ITPR2: variants seen among roughly 807,000 people sequenced by gnomAD.
ITPR2 encodes inositol 1,4,5-trisphosphate-gated calcium channel ITPR2.
Under a neutral mutation model 317.1 loss-of-function variants are expected in ITPR2, and 207 were observed. The observed-to-expected ratio is 0.65, with a 90% CI of 0.58 to 0.73. The LOEUF (loss-of-function observed/expected upper bound fraction) is 0.73. Among genes scored for constraint, ITPR2 ranks in the 30% least tolerant of loss-of-function variants. The pLI is 0.00. For synonymous variants in ITPR2, 1,156 were observed against 1,149.1 expected (o/e 1.01, Z -0.12); for missense variants, 2,613 against 3,284.0 (o/e 0.80, Z 4.99).
At chr12:26,618,905 T>C (rs1443698948) in intron 26 of ITPR2, among the ~76,000 whole-genome samples, 1 of 152,266 alleles carries the variant, frequency 6.6e-6, no homozygotes, top group East Asian at 1.9e-4. Context: ...ATACCTCATA[T>C]ATTTCTTATG....
At chr12:26,667,523 C>T (rs1165025318) in intron 13 of ITPR2, among the ~76,000 whole-genome samples, 2 of 152,172 alleles carry the variant, frequency 1.3e-5, no homozygotes, top group Admixed American at 6.5e-5. Context: ...GCCACAGAAA[C>T]GTAAAACCCG....
At chr12:26,696,172 G>T (rs1948345918) in intron 9 of ITPR2, among the ~76,000 whole-genome samples, 1 of 152,152 alleles carries the variant, frequency 6.6e-6, no homozygotes, top group Non-Finnish European at 1.5e-5. Flanking sequence ...TTGGAGAGTG[G>T]CATTTTGGGG....
chr12:26,625,177 G>A (rs1240122252), intron 23 of ITPR2, among the ~76,000 whole-genome samples: 31 of 151,946 alleles, frequency 2.0e-4, no homozygotes, highest in Admixed American at 2.0e-3. Flanking sequence ...TAGAATAAGA[G>A]TTACCAGAGG....
At chr12:26,666,875 T>C (rs1170460467) in intron 13 of ITPR2, among the ~76,000 whole-genome samples, 1 of 152,202 alleles carries the variant, frequency 6.6e-6, no homozygotes, top group African/African-American at 2.4e-5. Context: ...CATTTTCCAT[T>C]TGTGTTAGTC....
chr12:26,486,446 C>A (rs930336954), intron 40 of ITPR2, 86 bp from the exon 41 acceptor site: 43 of 1,059,368 alleles, frequency 4.1e-5, no homozygotes, highest in Middle Eastern at 2.3e-4. Flanking sequence ...TACCCAAATT[C>A]TCTAACAATT....
intron 1 of ITPR2, among the ~76,000 whole-genome samples, chr12:26,830,969 T>TGTGCCTTGG (rs1303632792): frequency 6.6e-6 from 1 of 152,228 alleles, no homozygotes; most frequent in Admixed American, 6.5e-5. Flanking sequence ...ACAGAGTTTA[T>TGTGCCTTGG]GTAACTTTCC....
chr12:26,398,430 C>G (rs770503500), intron 54 of ITPR2, among the ~76,000 whole-genome samples: 1 of 152,102 alleles, frequency 6.6e-6, no homozygotes, highest in Non-Finnish European at 1.5e-5. Flanking sequence ...CTCAAAATAA[C>G]AAACAAACAA....
chr12:26,640,839 G>A (rs1946967297), intron 21 of ITPR2, among the ~76,000 whole-genome samples: 1 of 152,188 alleles, frequency 6.6e-6, no homozygotes, highest in South Asian at 2.1e-4. Flanking sequence ...AGATATGAAA[G>A]TATATCTGAG....
At chr12:26,341,720 T>C (rs1938119116) in intron 55 of ITPR2, among the ~76,000 whole-genome samples, 1 of 152,210 alleles carries the variant, frequency 6.6e-6, no homozygotes, top group Admixed American at 6.5e-5. Context: ...CTTCAGCATC[T>C]ATTGTTAGGT....
intron 21 of ITPR2, among the ~76,000 whole-genome samples, chr12:26,642,832 T>C (rs1379817291): frequency 6.6e-6 from 1 of 152,176 alleles, no homozygotes; most frequent in African/African-American, 2.4e-5. Flanking sequence ...AAGATAATTG[T>C]GGTGGATGCT....
intron 39 of ITPR2, among the ~76,000 whole-genome samples, chr12:26,489,661 G>C (rs1942753842): frequency 6.6e-6 from 1 of 152,128 alleles, no homozygotes; most frequent in African/African-American, 2.4e-5. Flanking sequence ...GCTATCATTA[G>C]GTTCCATTTG....
chr12:26,555,051 T>C (rs984751099), intron 36 of ITPR2, among the ~76,000 whole-genome samples: 5 of 152,168 alleles, frequency 3.3e-5, no homozygotes, highest in Admixed American at 2.0e-4. Flanking sequence ...TCTGGACAAA[T>C]ACACTCTTCC....
intron 45 of ITPR2, among the ~76,000 whole-genome samples, chr12:26,474,230 G>T (rs1348961431): frequency 2.0e-5 from 3 of 152,178 alleles, no homozygotes; most frequent in African/African-American, 7.2e-5. Context: ...AACGTACAGG[G>T]AAACAGAAGG....
At chr12:26,591,895 T>C (rs1014762111) in intron 32 of ITPR2, among the ~76,000 whole-genome samples, 5 of 151,740 alleles carry the variant, frequency 3.3e-5, no homozygotes, top group Non-Finnish European at 5.9e-5. Context: ...ATCTCACTTC[T>C]GGATATATTC....
intron 8 of ITPR2, among the ~76,000 whole-genome samples, chr12:26,712,855 A>G (rs532300481): frequency 6.6e-6 from 1 of 152,280 alleles, no homozygotes; most frequent in South Asian, 2.1e-4. Context: ...GAGGGATGCT[A>G]TTGGCATTTA....
intron 37 of ITPR2, among the ~76,000 whole-genome samples, chr12:26,500,715 C>G (rs1208073552): frequency 2.0e-5 from 3 of 152,164 alleles, no homozygotes; most frequent in African/African-American, 4.8e-5. Flanking sequence ...CCCACCCACT[C>G]CCTGTTACAC....
At chr12:26,774,454 C>A (rs1308765484) in intron 2 of ITPR2, among the ~76,000 whole-genome samples, 1 of 152,176 alleles carries the variant, frequency 6.6e-6, no homozygotes. Context: ...GCCTGGTCAA[C>A]ATAGTGAAAC....
At chr12:26,511,597 A>T (rs1300108595) in intron 37 of ITPR2, among the ~76,000 whole-genome samples, 1 of 152,078 alleles carries the variant, frequency 6.6e-6, no homozygotes, top group African/African-American at 2.4e-5. Flanking sequence ...TCATTTCCAT[A>T]ATTTCCTAAT....
At chr12:26,497,708 A>T (rs921548691) in intron 37 of ITPR2, among the ~76,000 whole-genome samples, 151 of 126,518 alleles carry the variant, frequency 1.2e-3, no homozygotes, top group African/African-American at 4.2e-3. Flanking sequence ...AGTGCCAAGA[A>T]TTTTTTTTTT....
Sources: gnomAD v4.1 joint callset for allele counts (sites outside exome capture counted in the v4.1 genomes callset) on GRCh38, gnomAD v4.1.1 for gene constraint, MANE v1.5 for transcripts, NCBI Gene and HGNC (gene_info 2026-07-23, HGNC 2026-07-21) for gene names.